ZNF362: variants seen among roughly 807,000 people sequenced by gnomAD.
ZNF362 encodes the protein zinc finger protein 362.
In ZNF362, 11 loss-of-function variants were observed where a neutral mutation model predicts 42.9. The observed-to-expected ratio is 0.26, with a 90% CI of 0.16 to 0.42. The LOEUF (loss-of-function observed/expected upper bound fraction) is 0.42, where lower values mean the gene tolerates loss of function less well. Ranked by LOEUF, ZNF362 falls within the 20% of genes least tolerant of loss-of-function variation. ZNF362 has a pLI of 1.00. For synonymous variants in ZNF362, 255 were observed against 257.3 expected, an observed-to-expected ratio of 0.99 and a Z score of 0.09; for missense variants, 362 against 576.2, an observed-to-expected ratio of 0.63 and a Z score of 3.81.
At chr1:33,178,602 A>T in the ZNF362 span, among the ~76,000 whole-genome samples, 1 of 152,226 alleles carries the variant, frequency 6.6e-6, no homozygotes, top group Admixed American at 6.5e-5. Flanking sequence ...TAGCAGGTTA[A>T]TCCCAGGTCA....
At chr1:33,188,176 G>A in the ZNF362 span, among the ~76,000 whole-genome samples, 1 of 152,156 alleles carries the variant, frequency 6.6e-6, no homozygotes, top group Non-Finnish European at 1.5e-5. Context: ...AGAGGTTGAA[G>A]TAAGAGATTG....
chr1:33,221,408 C>T, the ZNF362 span, among the ~76,000 whole-genome samples: 14 of 152,198 alleles, frequency 9.2e-5, no homozygotes, highest in Admixed American at 2.0e-4. Context: ...GGCTTTTCCT[C>T]CCTGCTGCCA....
At chr1:33,289,121 G>T (rs1233063646) in intron 6 of ZNF362, among the ~76,000 whole-genome samples, 1 of 152,138 alleles carries the variant, frequency 6.6e-6, no homozygotes, top group African/African-American at 2.4e-5. Context: ...GGAGGTGGAG[G>T]TTGCGGGGGA....
chr1:33,144,119 C>T, the ZNF362 span, among the ~76,000 whole-genome samples: 50 of 138,788 alleles, frequency 3.6e-4, no homozygotes, highest in Non-Finnish European at 6.7e-4. Context: ...TATATGATTC[C>T]GCTTTAATGT....
chr1:33,285,616 A>G lies in ZNF362; in HGVS notation c.908+3805A>G, dbSNP rs150546980. Among the ~76,000 whole-genome samples the G allele has an allele frequency of 8.3e-3, 1,258 of 152,312 alleles. 19 individuals are homozygous for G. Among genetic ancestry groups the G allele is most frequent in the African/African-American group, 0.028 (1,174 of 41,566 alleles). On this transcript the variant is annotated intron_variant, in intron 6 of 8. Transcript: ENST00000539719. ...TTTTTTGGTCCATCTTAAAAAGTGC[A>G]CAAGAACATATTATATGTTATACAT...
the ZNF362 span, among the ~76,000 whole-genome samples, chr1:33,137,733 A>T: frequency 6.6e-6 from 1 of 151,954 alleles, no homozygotes; most frequent in African/African-American, 2.4e-5. Flanking sequence ...GTGGCTCAGC[A>T]CCCTCCTTGG....
Position 33,295,316 on chromosome 1 carries a change from G to A in ZNF362, c.1146+11G>A, listed in dbSNP as rs1001521156. The A allele has an allele frequency of 1.2e-5, 20 of 1,612,638 alleles. No homozygotes were observed. Among genetic ancestry groups the A allele is most frequent in the Non-Finnish European group, 1.5e-5 (18 of 1,179,476 alleles). The stretch of plus-strand genomic sequence containing the variant: ...CGGGCCTACACCTCGGTGAGTGCCG[G>A]TCGGCCTGTGCCCTGCCCCGGGGGA... On this transcript the variant is annotated intron_variant, in intron 8 of 8. Coordinates refer to ENST00000539719, the MANE Select transcript of ZNF362 (RefSeq NM_152493.3).
the ZNF362 span, chr1:33,181,070 C>T: frequency 6.3e-7 from 1 of 1,599,550 alleles, no homozygotes; most frequent in Non-Finnish European, 8.5e-7. This position sits in a 1 kb window ranked among gnomAD's most constrained non-coding sequence, Gnocchi z 6.5. Flanking sequence ...CCTGATGCTG[C>T]TCGTGCAGTG....
chr1:33,142,147 A>G, the ZNF362 span: 3 of 152,194 alleles, frequency 2.0e-5, no homozygotes, highest in African/African-American at 7.2e-5. Flanking sequence ...AGCCCTCTGT[A>G]TTTAAGCCTG....
chr1:33,285,101 CATG>C (rs1371050661), intron 6 of ZNF362, among the ~76,000 whole-genome samples: 1 of 152,166 alleles, frequency 6.6e-6, no homozygotes, highest in Admixed American at 6.6e-5. Context: ...AAGGTATAAT[CATG>C]ATCAATTTTT....
chr1:33,139,258 A>G, the ZNF362 span, among the ~76,000 whole-genome samples: 1 of 152,042 alleles, frequency 6.6e-6, no homozygotes, highest in Non-Finnish European at 1.5e-5. Context: ...GGGAGGGGTT[A>G]TCTCTGGTCT....
upstream of ZNF362, among the ~76,000 whole-genome samples, chr1:33,253,011 C>T (rs1327625005): frequency 6.6e-6 from 1 of 151,392 alleles, no homozygotes; most frequent in African/African-American, 2.4e-5. Context: ...CCATGGACAC[C>T]TTGGGAACCA....
chr1:33,240,951 G>A, the ZNF362 span, among the ~76,000 whole-genome samples: 7 of 152,188 alleles, frequency 4.6e-5, no homozygotes, highest in East Asian at 3.8e-4. Flanking sequence ...ACTTTCCCAC[G>A]CAAAATGATT....
intron 1 of ZNF362, among the ~76,000 whole-genome samples, chr1:33,260,560 C>G (rs1013111539): frequency 1.3e-5 from 2 of 152,190 alleles, no homozygotes; most frequent in Admixed American, 1.3e-4. Context: ...TTTCTTTTCT[C>G]TTGTGGCTGT....
chr1:33,159,776 C>T, the ZNF362 span: 3 of 1,613,666 alleles, frequency 1.9e-6, no homozygotes, highest in African/African-American at 1.3e-5. The surrounding 1 kb of genome is among the most constrained non-coding windows in gnomAD (Gnocchi z 4.2). Context: ...CCCTCCTGGA[C>T]CTTGCGCAGC....
the ZNF362 span, among the ~76,000 whole-genome samples, chr1:33,191,379 G>A: frequency 6.6e-6 from 1 of 152,148 alleles, no homozygotes; most frequent in South Asian, 2.1e-4. Context: ...CCATCCCTAT[G>A]TTCCATTTCC....
At chr1:33,297,492 T>C (rs1230795664) in intron 8 of ZNF362, among the ~76,000 whole-genome samples, 6 of 151,180 alleles carry the variant, frequency 4.0e-5, no homozygotes, top group Non-Finnish European at 8.8e-5. Context: ...TGCCATGATT[T>C]GGTGTATTTA....
At chr1:33,273,828 G>A (rs1645923381) in intron 2 of ZNF362, among the ~76,000 whole-genome samples, 1 of 152,222 alleles carries the variant, frequency 6.6e-6, no homozygotes. Flanking sequence ...TTTGTAAACT[G>A]TGAGCAGTGC....
At chr1:33,247,817 C>G in the ZNF362 span, among the ~76,000 whole-genome samples, 24 of 152,138 alleles carry the variant, frequency 1.6e-4, 1 homozygote, top group Admixed American at 1.5e-3. Flanking sequence ...TTTCTGAAGA[C>G]AATTTATGGA....
Sources: allele counts gnomAD v4.1 joint callset (sites outside exome capture counted in the v4.1 genomes callset), GRCh38; gene constraint gnomAD v4.1.1; non-coding constraint Gnocchi (gnomAD v3.1); transcripts MANE v1.5; gene names NCBI Gene and HGNC (gene_info 2026-07-23, HGNC 2026-07-21).